The following DOCK7 variants were observed in gnomAD, a reference collection of about 807,000 sequenced individuals.
The protein encoded by DOCK7 is dedicator of cytokinesis 7.
A neutral mutation model predicts 271.0 loss-of-function variants in DOCK7; 138 were observed. That is an observed-to-expected ratio of 0.51 (90% CI 0.44 to 0.59). DOCK7 has a LOEUF of 0.59. Ranked by LOEUF, DOCK7 falls within the 20% of genes least tolerant of loss-of-function variation. The probability of loss-of-function intolerance (pLI) is 0.00; values close to 1 mark genes in which losing one functional copy is unlikely to be tolerated. For synonymous variants in DOCK7, 823 were observed against 876.1 expected, an observed-to-expected ratio of 0.94 and a Z score of 1.07; for missense variants, 2,066 against 2,592.4, an observed-to-expected ratio of 0.80 and a Z score of 4.41.
At chr1:62,591,593 A>G (rs1263198122) in intron 14 of DOCK7, among the ~76,000 whole-genome samples, 1 of 152,216 alleles carries the variant, frequency 6.6e-6, no homozygotes, top group East Asian at 1.9e-4. Context: ...GAAATTTCCA[A>G]ATGAAATAGA....
At chr1:62,518,698 C>T (rs189247211) in intron 31 of DOCK7, among the ~76,000 whole-genome samples, 145 of 152,056 alleles carry the variant, frequency 9.5e-4, no homozygotes, top group African/African-American at 3.3e-3. Context: ...CAAGACTGCA[C>T]CACTGCACTC....
rs1045423646 is a variant in DOCK7 at position 62,455,108 on chromosome 1, A to T, written c.*306T>A. 1 of 513,742 alleles carries T rather than the reference A, an allele frequency of 1.9e-6. No homozygotes were observed. Among genetic ancestry groups the T allele is most frequent in the Non-Finnish European group, 3.4e-6 (1 of 293,506 alleles). 31.8% of individuals were successfully genotyped at this position (513,742 alleles called of 1,614,324 possible). On this transcript the variant is annotated 3_prime_UTR_variant, in exon 50 of 50. Transcript: ENST00000635253. Reference sequence around the variant, plus strand: ...GAATCTATAAATGGTAATATAAATTAAAAAATACGAACTTAAAGTGAATAA... The same window carrying T: ...GAATCTATAAATGGTAATATAAATTTAAAAATACGAACTTAAAGTGAATAA...
At position 62,455,526 on chromosome 1, in the gene DOCK7, C is replaced by A. The variant is rs565789251; in HGVS notation, c.6381-70G>T. On this transcript the variant is annotated intron_variant, in intron 49 of 49. Coordinates refer to ENST00000635253, the MANE Select transcript of DOCK7 (RefSeq NM_001367561.1). ...TTTGCATATACCTTTAAATGTCTTA[C>A]ATGGTTTTTTCTGCCAGTTACCTTA... 10 of 1,459,650 alleles carry A rather than the reference C, an allele frequency of 6.9e-6. No homozygotes were observed. In the Admixed American group the frequency reaches 1.6e-4, roughly 23 times the overall value. The allele number at this position is 1,459,650 out of a possible 1,614,324, so 90.4% of individuals were successfully genotyped here. A position where few individuals can be genotyped will look rare whatever the true frequency, so the allele number is the denominator to read the frequency against.
chr1:62,631,516 A>T, intron 10 of DOCK7, 111 bp from the exon 11 acceptor site: 2 of 955,924 alleles, frequency 2.1e-6, no homozygotes, highest in Non-Finnish European at 3.0e-6. Context: ...CTCAGCAGAG[A>T]TGAGAAAAAA....
At chr1:62,468,075 T>A (rs376412708) in intron 48 of DOCK7, among the ~76,000 whole-genome samples, 36 of 152,144 alleles carry the variant, frequency 2.4e-4, no homozygotes, top group South Asian at 8.3e-4. Flanking sequence ...ATTAAAAGCA[T>A]CAAGGCCGGG....
intron 1 of DOCK7, among the ~76,000 whole-genome samples, chr1:62,684,175 T>C (rs574115702): frequency 1.3e-5 from 2 of 151,292 alleles, no homozygotes; most frequent in Non-Finnish European, 2.9e-5. Flanking sequence ...ATTGCGCCAC[T>C]TCACTCCAGC....
intron 48 of DOCK7, 59 bp from the exon 49 acceptor site, chr1:62,457,764 CCATA>C: frequency 6.6e-7 from 1 of 1,524,044 alleles, no homozygotes. Context: ...GGGTTTAATG[CCATA>C]CACACGCAAA....
intron 1 of DOCK7, among the ~76,000 whole-genome samples, chr1:62,670,562 A>G (rs1367283515): frequency 6.6e-6 from 1 of 152,094 alleles, no homozygotes; most frequent in African/African-American, 2.4e-5. Flanking sequence ...CAAGGTTTGT[A>G]AACACACCAA....
chr1:62,664,643 T>C (rs1029874554), intron 1 of DOCK7, among the ~76,000 whole-genome samples: 1 of 152,192 alleles, frequency 6.6e-6, no homozygotes. Flanking sequence ...TCATCAATTA[T>C]AACAAATGTA....
rs537871259 is a variant in DOCK7 at position 62,624,920 on chromosome 1, C to T, written c.1425+339G>A. Among the ~76,000 whole-genome samples, 31 of 151,308 alleles carry T rather than the reference C, an allele frequency of 2.0e-4. No individual in the cohort carries two copies. In the South Asian group the frequency reaches 4.0e-3, roughly 19 times the overall value. ...CTGGGAGGCGGAGGTTGCAGTGAGC[C>T]GAGATCTGTCTCTGCACTCCAGCCT... is the stretch of plus-strand genomic sequence containing the variant. On this transcript the variant is annotated intron_variant, in intron 12 of 49. Transcript: ENST00000635253.
rs561175594 is a variant in DOCK7, at chr1:62,585,449, T to C, written c.1800+1058A>G. On this transcript the variant is annotated intron_variant, in intron 15 of 49. Transcript: ENST00000635253. ...AGCAATAGCATATTTCTATTCCATA[T>C]GTTACTGACTTCAGCTGAGCCAAAA... Among the ~76,000 whole-genome samples the C allele has an allele frequency of 2.0e-5, 3 of 152,320 alleles. 1 individual carries two copies. In the South Asian group the frequency reaches 6.2e-4, roughly 32 times the overall value.
chr1:62,501,904 TTAAA>T (rs1205326156), intron 37 of DOCK7, among the ~76,000 whole-genome samples: 3 of 152,110 alleles, frequency 2.0e-5, no homozygotes, highest in Non-Finnish European at 4.4e-5. Flanking sequence ...ATCTTTTAGC[TTAAA>T]TAAACTATAA....
chr1:62,529,470 G>C, intron 29 of DOCK7, 24 bp from the exon 30 acceptor site: 1 of 1,572,746 alleles, frequency 6.4e-7, no homozygotes, highest in Non-Finnish European at 8.6e-7. Context: ...AGAAGACAAA[G>C]AAGAAAAAGC....
At position 62,636,622 on chromosome 1, in the gene DOCK7, T is replaced by C; in HGVS notation, c.819-19A>G. The C allele has an allele frequency of 1.9e-6, 3 of 1,544,208 alleles. No individual in the cohort carries two copies. The highest frequency in any genetic ancestry group is 2.7e-6 in the Non-Finnish European group (3 of 1,129,700). ...TTCAAACCTTTATGAAGAAAAAGGA[T>C]AAAATAATTTAAAGATAAACATGAA... On this transcript the variant is annotated intron_variant, in intron 7 of 49. Transcript: ENST00000635253.
At chr1:62,467,382 G>A (rs1557585816) in intron 48 of DOCK7, among the ~76,000 whole-genome samples, 1 of 152,220 alleles carries the variant, frequency 6.6e-6, no homozygotes, top group Non-Finnish European at 1.5e-5. Flanking sequence ...ATGACTTGAT[G>A]GAGATGAATG....
chr1:62,641,635 G>C (rs1349275696), intron 7 of DOCK7: 3 of 460,888 alleles, frequency 6.5e-6, no homozygotes, highest in Non-Finnish European at 8.9e-6. Flanking sequence ...CCACCTTCCA[G>C]CCCAGCAGTA....
At chr1:62,532,312 G>T (rs983259931) in intron 29 of DOCK7, among the ~76,000 whole-genome samples, 3 of 152,102 alleles carry the variant, frequency 2.0e-5, no homozygotes, top group African/African-American at 4.8e-5. Context: ...TGAGATTGTA[G>T]GTGTGAGCCA....
chr1:62,459,127 AAACT>A (rs1004278773), intron 48 of DOCK7: 6 of 152,206 alleles, frequency 3.9e-5, no homozygotes, highest in African/African-American at 9.7e-5. Flanking sequence ...CTAAAAAAAC[AAACT>A]AAGCTCTGGC....
At chr1:62,547,596 T>C (rs1431615977) in intron 22 of DOCK7, among the ~76,000 whole-genome samples, 2 of 152,100 alleles carry the variant, frequency 1.3e-5, no homozygotes, top group African/African-American at 4.8e-5. Flanking sequence ...TCTCAGTGTT[T>C]GAGAAATTAA....
Sources: allele counts gnomAD v4.1 joint callset (sites outside exome capture counted in the v4.1 genomes callset), GRCh38; gene constraint gnomAD v4.1.1; transcripts MANE v1.5; gene names NCBI Gene and HGNC (gene_info 2026-07-23, HGNC 2026-07-21).